Variants in MLXIPL observed in about 807,000 individuals in gnomAD.
The protein encoded by MLXIPL is carbohydrate-responsive element-binding protein.
In MLXIPL, 49 loss-of-function variants were observed where a neutral mutation model predicts 81.5. The ratio of observed to expected loss-of-function variants is 0.60; its 90% CI spans 0.48 to 0.76. The LOEUF (loss-of-function observed/expected upper bound fraction) is 0.76. Among genes scored for constraint, MLXIPL ranks in the 30% least tolerant of loss-of-function variants. The probability of loss-of-function intolerance (pLI) is 0.00; values close to 1 mark genes in which losing one functional copy is unlikely to be tolerated. For synonymous variants in MLXIPL, 466 were observed against 485.5 expected, an observed-to-expected ratio of 0.96 and a Z score of 0.53; for missense variants, 1,053 against 1,167.0, an observed-to-expected ratio of 0.90 and a Z score of 1.42.
chr7:73,619,896 C>G (rs1796233499), intron 1 of MLXIPL, among the ~76,000 whole-genome samples: 1 of 152,016 alleles, frequency 6.6e-6, no homozygotes, highest in African/African-American at 2.4e-5. Flanking sequence ...CGCCACTGCA[C>G]TCCAGCCTGG....
the MLXIPL span, among the ~76,000 whole-genome samples, chr7:73,637,162 G>A: frequency 1.3e-5 from 2 of 151,640 alleles, no homozygotes; most frequent in Non-Finnish European, 2.9e-5. Flanking sequence ...ATACTCACAA[G>A]TCTATGTAGA....
At position 73,624,441 on chromosome 7, in the gene MLXIPL, C is replaced by T; in HGVS notation, c.52G>A (p.Ala18Thr). The T allele has an allele frequency of 1.9e-6, 3 of 1,555,246 alleles. No homozygotes were observed. Among genetic ancestry groups the T allele is most frequent in the East Asian group, 2.4e-5 (1 of 41,614 alleles). Reference sequence around the variant, plus strand: ...TCCGAGTCCGAGTCTGGGCTGGGCGCGACCCGCGGGACCTGCAAGCCCGCG... The same window carrying T: ...TCCGAGTCCGAGTCTGGGCTGGGCGTGACCCGCGGGACCTGCAAGCCCGCG... ...LAAGLQVPRVAPSPDSDSDTD... is the reference protein window; with the variant it reads ...LAAGLQVPRVTPSPDSDSDTD... Residue 18 changes from alanine to threonine, a missense_variant, in exon 1 of 17, where the codon GCG becomes ACG. Coordinates refer to ENST00000313375, the MANE Select transcript of MLXIPL (RefSeq NM_032951.3).
chr7:73,601,400 T>C (rs565893936), intron 7 of MLXIPL, among the ~76,000 whole-genome samples: 6 of 151,656 alleles, frequency 4.0e-5, no homozygotes, highest in African/African-American at 1.5e-4. Context: ...CAGGAAGCAG[T>C]CCCCTCCCCT....
At chr7:73,646,863 T>G in the MLXIPL span, among the ~76,000 whole-genome samples, 1 of 152,038 alleles carries the variant, frequency 6.6e-6, no homozygotes, top group East Asian at 1.9e-4. Context: ...CTCTCATAGA[T>G]CCCTGGTCCC....
intron 2 of MLXIPL, among the ~76,000 whole-genome samples, chr7:73,613,002 A>C (rs1294448753): frequency 6.6e-6 from 1 of 152,180 alleles, no homozygotes; most frequent in African/African-American, 2.4e-5. Context: ...GGGAGCTCCC[A>C]GGACACCAAG....
chr7:73,620,700 C>A (rs1357256017), intron 1 of MLXIPL, among the ~76,000 whole-genome samples: 1 of 151,464 alleles, frequency 6.6e-6, no homozygotes, highest in African/African-American at 2.4e-5. Flanking sequence ...TGAGATTGCG[C>A]CACTGCACTC....
chr7:73,633,127 C>A, the MLXIPL span, among the ~76,000 whole-genome samples: 3 of 148,452 alleles, frequency 2.0e-5, no homozygotes, highest in Non-Finnish European at 4.4e-5. Flanking sequence ...GTTGCCCAGG[C>A]TGGAGTGCAG....
intron 4 of MLXIPL, 59 bp downstream of exon 4, chr7:73,607,272 C>T (rs72649025): frequency 6.9e-5 from 103 of 1,490,872 alleles, no homozygotes; most frequent in Non-Finnish European, 2.7e-6. Flanking sequence ...CCGAGGCGGG[C>T]GGTAGCCGGC....
intron 15 of MLXIPL, among the ~76,000 whole-genome samples, 153 bp downstream of exon 15, chr7:73,595,484 G>T (rs181822143): frequency 1.9e-3 from 292 of 152,216 alleles, no homozygotes; most frequent in African/African-American, 6.7e-3. Context: ...GATGGCCAGG[G>T]CATGGAAGCA....
chr7:73,593,857 G>A lies in MLXIPL; in HGVS notation c.*8C>T, dbSNP rs782658232. The A allele has an allele frequency of 6.2e-7, 1 of 1,610,140 alleles. No individual in the cohort carries two copies. Among genetic ancestry groups the A allele is most frequent in the South Asian group, 1.1e-5 (1 of 90,994 alleles). On this transcript the variant is annotated 3_prime_UTR_variant, in exon 17 of 17. Coordinates refer to ENST00000313375, the MANE Select transcript of MLXIPL (RefSeq NM_032951.3). ...GGCAGCTGAGTGAGCAGCAGGGTCTGGCCAGGACTATAAAGGTTTGCCAAG... is the reference window on the plus strand; with the variant it reads ...GGCAGCTGAGTGAGCAGCAGGGTCTAGCCAGGACTATAAAGGTTTGCCAAG...
Position 73,596,852 on chromosome 7 carries a change from C to A in MLXIPL, c.1671+13G>T. ...GTGGGCACAGCCCCACCGCCCAGTGCCCGAGATCTTACCGGGGACCCTGGG... is the reference window on the plus strand; with the variant it reads ...GTGGGCACAGCCCCACCGCCCAGTGACCGAGATCTTACCGGGGACCCTGGG... On this transcript the variant is annotated intron_variant, in intron 10 of 16. Coordinates refer to ENST00000313375, the MANE Select transcript of MLXIPL (RefSeq NM_032951.3). This position sits in a 1 kb window ranked among gnomAD's most constrained non-coding sequence, Gnocchi z 4.7. 4 of 1,610,534 alleles carry A rather than the reference C, an allele frequency of 2.5e-6. No individual in the cohort carries two copies. Among genetic ancestry groups the A allele is most frequent in the Middle Eastern group, 1.7e-4 (1 of 5,758 alleles).
intron 2 of MLXIPL, among the ~76,000 whole-genome samples, chr7:73,615,701 G>A (rs1795966437): frequency 6.6e-6 from 1 of 152,114 alleles, no homozygotes; most frequent in Admixed American, 6.6e-5. Flanking sequence ...GATCACTTGA[G>A]GTCAGGAGTT....
At chr7:73,645,087 T>A in the MLXIPL span, among the ~76,000 whole-genome samples, 1 of 151,768 alleles carries the variant, frequency 6.6e-6, no homozygotes, top group Admixed American at 6.6e-5. Flanking sequence ...AATGCAGTGG[T>A]GACATCATAG....
At chr7:73,616,642 G>A (rs1165419408) in intron 1 of MLXIPL, among the ~76,000 whole-genome samples, 1 of 152,076 alleles carries the variant, frequency 6.6e-6, no homozygotes, top group African/African-American at 2.4e-5. Flanking sequence ...GAGGTCAGGA[G>A]TTCGAGACCA....
At chr7:73,610,459 C>T (rs908273777) in intron 2 of MLXIPL, 1 of 152,430 alleles carries the variant, frequency 6.6e-6, no homozygotes, top group Non-Finnish European at 1.5e-5. Flanking sequence ...ACTTGCTTCT[C>T]TCAGCATCTC....
At chr7:73,631,596 TG>T in the MLXIPL span, among the ~76,000 whole-genome samples, 4 of 125,826 alleles carry the variant, frequency 3.2e-5, no homozygotes, top group Admixed American at 3.7e-4. Context: ...TAGGTAGAGA[TG>T]GGGTCTGCTA....
the MLXIPL span, among the ~76,000 whole-genome samples, chr7:73,646,364 A>C: frequency 6.6e-6 from 1 of 152,130 alleles, no homozygotes; most frequent in Admixed American, 6.5e-5. Context: ...CCAGCCCTCC[A>C]CTTCAGCTGA....
chr7:73,627,541 G>A (rs1214459947), upstream of MLXIPL, among the ~76,000 whole-genome samples: 1 of 152,136 alleles, frequency 6.6e-6, no homozygotes, highest in African/African-American at 2.4e-5. Context: ...GAGCCACCGT[G>A]GCCAGCTCTC....
the MLXIPL span, among the ~76,000 whole-genome samples, chr7:73,631,957 T>C: frequency 1.3e-5 from 2 of 149,100 alleles, no homozygotes; most frequent in Non-Finnish European, 3.0e-5. Context: ...TCTTTTCTTT[T>C]CTTTTCTTTT....
Sources: allele counts gnomAD v4.1 joint callset (sites outside exome capture counted in the v4.1 genomes callset), GRCh38; gene constraint gnomAD v4.1.1; non-coding constraint Gnocchi (gnomAD v3.1); transcripts MANE v1.5; gene names NCBI Gene and HGNC (gene_info 2026-07-23, HGNC 2026-07-21).